Variants in STAU2 observed in about 807,000 individuals in gnomAD.
The protein encoded by STAU2 is staufen double-stranded RNA binding protein 2.
Under a neutral mutation model 65.9 loss-of-function variants are expected in STAU2, and 20 were observed. The observed-to-expected ratio is 0.30, with a 90% confidence interval of 0.21 to 0.44. The LOEUF (loss-of-function observed/expected upper bound fraction) is 0.44, where lower values mean the gene tolerates loss of function less well. Ranked by LOEUF, STAU2 falls within the 20% of genes least tolerant of loss-of-function variation. STAU2 has a pLI of 1.00. For synonymous variants in STAU2, 232 were observed against 233.9 expected (o/e 0.99, Z 0.07); for missense variants, 558 against 683.9 (o/e 0.82, Z 2.05).
chr8:73,693,391 C>T (rs1377290303), intron 4 of STAU2, among the ~76,000 whole-genome samples: 3 of 148,970 alleles, frequency 2.0e-5, no homozygotes, highest in Non-Finnish European at 4.4e-5. Context: ...AGGAGAATGG[C>T]GTGAACCCGG....
chr8:73,649,636 T>C lies in STAU2; in HGVS notation c.410+23471A>G, dbSNP rs566946335. ...CAAATAGGATTAACAAACTCAACTT[T>C]AATACTGCTCACTAAGCTTCTTTCT... On this transcript the variant is annotated intron_variant, in intron 6 of 14. Coordinates refer to ENST00000524300, the MANE Select transcript of STAU2 (RefSeq NM_001164380.2). 5.3e-5 allele frequency among the ~76,000 whole-genome samples: 8 copies of C among 152,070 alleles called. 1 individual carries two copies. In the South Asian group the frequency reaches 1.5e-3, roughly 28 times the overall value.
chr8:73,546,550 G>A (rs1806953538), intron 13 of STAU2, among the ~76,000 whole-genome samples: 2 of 152,274 alleles, frequency 1.3e-5, no homozygotes, highest in South Asian at 2.1e-4. Context: ...ATAACTGTCA[G>A]TTTCCTCCCT....
intron 6 of STAU2, among the ~76,000 whole-genome samples, chr8:73,661,996 A>C (rs902389633): frequency 2.6e-5 from 4 of 152,212 alleles, no homozygotes; most frequent in African/African-American, 9.6e-5. Context: ...GCTTAACTTC[A>C]TAAGAACATC....
intron 13 of STAU2, among the ~76,000 whole-genome samples, chr8:73,454,175 T>C (rs148325196): frequency 4.9e-4 from 74 of 152,320 alleles, no homozygotes; most frequent in African/African-American, 1.7e-3. Context: ...CGTTCCCCAA[T>C]CTAGCAGTCA....
At chr8:73,690,104 G>A (rs561428151) in intron 4 of STAU2, among the ~76,000 whole-genome samples, 59 of 151,894 alleles carry the variant, frequency 3.9e-4, no homozygotes, top group African/African-American at 8.9e-4. Context: ...TGAGATGGGC[G>A]GATCACAAGG....
chr8:73,656,346 A>G (rs1816372399), intron 6 of STAU2, among the ~76,000 whole-genome samples: 1 of 152,246 alleles, frequency 6.6e-6, no homozygotes, highest in Admixed American at 6.5e-5. Context: ...ACTGTGATCT[A>G]CCATCAGAAA....
chr8:73,578,294 CT>C (rs1209661627), intron 12 of STAU2, among the ~76,000 whole-genome samples: 1 of 152,130 alleles, frequency 6.6e-6, no homozygotes, highest in African/African-American at 2.4e-5. Flanking sequence ...ATTTCAGATT[CT>C]TTTTCCTTTA....
chr8:73,597,870 T>C (rs1811320495), intron 10 of STAU2, among the ~76,000 whole-genome samples: 1 of 152,162 alleles, frequency 6.6e-6, no homozygotes, highest in Non-Finnish European at 1.5e-5. Flanking sequence ...TCTTCAGATC[T>C]TCTCCATAAA....
intron 3 of STAU2, among the ~76,000 whole-genome samples, chr8:73,728,463 C>CAAAAAAAAA (rs34893638): frequency 7.6e-6 from 1 of 130,858 alleles, no homozygotes; most frequent in African/African-American, 2.9e-5. Context: ...CCAACTTTTG[C>CAAAAAAAAA]AAAAAAAAAA....
chr8:73,481,002 C>T (rs1172986531), intron 13 of STAU2, among the ~76,000 whole-genome samples: 1 of 152,040 alleles, frequency 6.6e-6, no homozygotes, highest in East Asian at 1.9e-4. Flanking sequence ...AAAAGTATAA[C>T]ACATATAAAA....
At chr8:73,533,487 C>T (rs1256953193) in intron 13 of STAU2, among the ~76,000 whole-genome samples, 2 of 152,144 alleles carry the variant, frequency 1.3e-5, no homozygotes, top group African/African-American at 4.8e-5. Context: ...CTTCTAAACC[C>T]AGATGAGATA....
intron 13 of STAU2, among the ~76,000 whole-genome samples, chr8:73,547,776 T>C (rs1233716342): frequency 6.6e-6 from 1 of 152,160 alleles, no homozygotes; most frequent in African/African-American, 2.4e-5. Flanking sequence ...ATAGCCTACA[T>C]GAACATTTGG....
At chr8:73,454,485 T>C (rs1402506349) in intron 13 of STAU2, among the ~76,000 whole-genome samples, 1 of 152,246 alleles carries the variant, frequency 6.6e-6, no homozygotes, top group Non-Finnish European at 1.5e-5. Context: ...TTTTGTGATC[T>C]GTGTATCTGT....
intron 5 of STAU2, among the ~76,000 whole-genome samples, chr8:73,677,803 A>G (rs1255730458): frequency 2.0e-5 from 3 of 152,206 alleles, no homozygotes; most frequent in Non-Finnish European, 4.4e-5. Flanking sequence ...TTAAAAGTTT[A>G]CACCAAATAA....
intron 13 of STAU2, among the ~76,000 whole-genome samples, chr8:73,448,428 G>A (rs898152952): frequency 2.6e-5 from 4 of 152,102 alleles, no homozygotes; most frequent in South Asian, 2.1e-4. Flanking sequence ...GACTACAGGC[G>A]CACGCCGCCA....
intron 13 of STAU2, among the ~76,000 whole-genome samples, chr8:73,474,290 T>G (rs1321068631): frequency 6.6e-6 from 1 of 152,182 alleles, no homozygotes; most frequent in South Asian, 2.1e-4. Context: ...GAACTGAATA[T>G]TCTGGGGTAA....
chr8:73,684,448 T>C (rs912790261), intron 5 of STAU2, among the ~76,000 whole-genome samples: 6 of 152,110 alleles, frequency 3.9e-5, no homozygotes, highest in South Asian at 4.1e-4. Flanking sequence ...TCACTTGATA[T>C]AAAAATTAAC....
chr8:73,594,783 A>G (rs905539), intron 11 of STAU2, among the ~76,000 whole-genome samples: 87,379 of 152,158 alleles, frequency 0.57, 27,335 homozygotes, highest in East Asian at 0.74. Context: ...CCCTAAAGGG[A>G]TAAGTCAGAA....
chr8:73,432,142 G>C (rs1210223625), intron 13 of STAU2, among the ~76,000 whole-genome samples: 1 of 152,100 alleles, frequency 6.6e-6, no homozygotes, highest in African/African-American at 2.4e-5. Context: ...GTCTAAATGT[G>C]GCCTTCATTT....
Sources: gnomAD v4.1 joint callset for allele counts (sites outside exome capture counted in the v4.1 genomes callset) on GRCh38, gnomAD v4.1.1 for gene constraint, MANE v1.5 for transcripts, NCBI Gene and HGNC (gene_info 2026-07-23, HGNC 2026-07-21) for gene names.